The following RBPMS2 variants were observed in gnomAD, a reference collection of about 807,000 sequenced individuals.
RBPMS2 encodes the protein RNA-binding protein with multiple splicing 2.
Under a neutral mutation model 25.7 loss-of-function variants are expected in RBPMS2, and 14 were observed. That is an observed-to-expected ratio of 0.55 (90% CI 0.36 to 0.85). The LOEUF (loss-of-function observed/expected upper bound fraction) is 0.85, where lower values mean the gene tolerates loss of function less well. Ranked by LOEUF, RBPMS2 falls within the 40% of genes least tolerant of loss-of-function variation. The pLI is 0.01. For synonymous variants in RBPMS2, 127 were observed against 115.6 expected, an observed-to-expected ratio of 1.10 and a Z score of -0.63; for missense variants, 252 against 283.4, an observed-to-expected ratio of 0.89 and a Z score of 0.80.
chr15:64,758,138 A>AT (rs2083751107), intron 1 of RBPMS2, among the ~76,000 whole-genome samples: 1 of 152,188 alleles, frequency 6.6e-6, no homozygotes, highest in Non-Finnish European at 1.5e-5. Flanking sequence ...GTTTTAAAGC[A>AT]TTTAAAGAGT....
At chr15:64,747,675 G>C (rs1452785380) in intron 6 of RBPMS2, among the ~76,000 whole-genome samples, 1 of 152,200 alleles carries the variant, frequency 6.6e-6, no homozygotes, top group Non-Finnish European at 1.5e-5. Context: ...ACCTGCACTT[G>C]TGGCCAAGTC....
At chr15:64,762,604 A>G (rs1217008781) in intron 1 of RBPMS2, 2 of 476,254 alleles carry the variant, frequency 4.2e-6, no homozygotes, top group African/African-American at 2.0e-5. Context: ...GATTCCAAAC[A>G]AAAGACAAAG....
intron 1 of RBPMS2, among the ~76,000 whole-genome samples, chr15:64,752,617 G>GT (rs112371011): frequency 0.012 from 1,813 of 145,598 alleles, 6 homozygotes; most frequent in Middle Eastern, 0.025. Flanking sequence ...GATGCTGTGA[G>GT]TTTTTTTTTT....
At chr15:64,755,113 G>C (rs917641225) in intron 1 of RBPMS2, among the ~76,000 whole-genome samples, 1 of 152,140 alleles carries the variant, frequency 6.6e-6, no homozygotes, top group Non-Finnish European at 1.5e-5. Context: ...CAAGTTCTCA[G>C]CACAGAGTTT....
intron 6 of RBPMS2, among the ~76,000 whole-genome samples, chr15:64,743,589 C>T (rs1036935330): frequency 6.6e-5 from 10 of 152,170 alleles, no homozygotes; most frequent in African/African-American, 2.4e-4. Context: ...GGGGGCCAGG[C>T]CAGCAAGACA....
At chr15:64,748,096 C>T (rs1236681194) in intron 6 of RBPMS2, among the ~76,000 whole-genome samples, 3 of 152,140 alleles carry the variant, frequency 2.0e-5, no homozygotes, top group African/African-American at 7.2e-5. Context: ...GAGACCATAC[C>T]CAGGTTAGGA....
intron 1 of RBPMS2, among the ~76,000 whole-genome samples, chr15:64,772,758 G>A (rs2083901429): frequency 2.0e-5 from 3 of 151,566 alleles, no homozygotes; most frequent in African/African-American, 7.3e-5. Context: ...ATGGTACCAT[G>A]TGCTCATATG....
chr15:64,742,207 C>T (rs1005470717), intron 6 of RBPMS2, among the ~76,000 whole-genome samples: 1 of 152,142 alleles, frequency 6.6e-6, no homozygotes, highest in Admixed American at 6.6e-5. Context: ...ACCCAAAGTC[C>T]GTGTAGACCC....
At chr15:64,758,458 G>T (rs2141068418) in intron 1 of RBPMS2, among the ~76,000 whole-genome samples, 1 of 152,358 alleles carries the variant, frequency 6.6e-6, no homozygotes, top group East Asian at 1.9e-4. Flanking sequence ...AAAGATACTT[G>T]TTGAGGAACA....
At chr15:64,741,407 G>A (rs538036128) in intron 6 of RBPMS2, among the ~76,000 whole-genome samples, 165 bp from the exon 7 acceptor site, 9 of 152,264 alleles carry the variant, frequency 5.9e-5, no homozygotes, top group South Asian at 2.1e-4. Context: ...TTCTCTATCC[G>A]GCAAGTGGGA....
chr15:64,765,002 G>A (rs1288565376), intron 1 of RBPMS2, among the ~76,000 whole-genome samples: 5 of 151,344 alleles, frequency 3.3e-5, no homozygotes, highest in Non-Finnish European at 5.9e-5. Context: ...AGAGGCGGGC[G>A]GATCACGAGG....
chr15:64,749,126 G>C lies in RBPMS2; in HGVS notation c.292C>G (p.Pro98Ala). 1 of 1,614,182 alleles carries C rather than the reference G, an allele frequency of 6.2e-7. No homozygotes were observed. Among genetic ancestry groups the C allele is most frequent in the Non-Finnish European group, 8.5e-7 (1 of 1,180,028 alleles). The stretch of plus-strand genomic sequence containing the variant: ...GCAAACTCTAGCCTCAGAGTCTGTG[G>C]ATTTTCGGGATCAAAGCGAATACCC... Reference protein sequence around the residue: ...LNGIRFDPENPQTLRLEFAKA... With the variant: ...LNGIRFDPENAQTLRLEFAKA... Residue 98 changes from proline (P) to alanine (A), a missense_variant, in exon 5 of 8, where the codon CCA (proline) becomes GCA (alanine). Transcript: ENST00000300069.
chr15:64,741,326 C>T lies in RBPMS2; in HGVS notation c.568-84G>A, dbSNP rs533878786. ...AGGTAACCATGGCCATCGGTGTCCCCGCTGGAGTCCTGGTTCTGTCACTGA... is the reference window on the plus strand; with the variant it reads ...AGGTAACCATGGCCATCGGTGTCCCTGCTGGAGTCCTGGTTCTGTCACTGA... On this transcript the variant is annotated intron_variant, in intron 6 of 7. Transcript: ENST00000300069. 20 of 1,055,568 alleles carry T rather than the reference C, an allele frequency of 1.9e-5. 1 individual carries two copies. Among genetic ancestry groups the T allele is most frequent in the South Asian group, 1.7e-4 (12 of 72,020 alleles). The allele number at this position is 1,055,568 out of a possible 1,614,324, so 65.4% of individuals were successfully genotyped here.
At chr15:64,752,927 G>C (rs1346138366) in intron 1 of RBPMS2, among the ~76,000 whole-genome samples, 1 of 152,002 alleles carries the variant, frequency 6.6e-6, no homozygotes, top group Non-Finnish European at 1.5e-5. Context: ...TGTGAATTTT[G>C]AGCATTGCCC....
chr15:64,770,823 G>A (rs1281565416), intron 1 of RBPMS2, among the ~76,000 whole-genome samples: 3 of 151,562 alleles, frequency 2.0e-5, no homozygotes, highest in African/African-American at 7.3e-5. Context: ...CTAAGCACCT[G>A]TTCACCCACA....
rs962027192 is a variant in RBPMS2, at chr15:64,759,849, T to A, written c.88-8211A>T. Among the ~76,000 whole-genome samples, 38 of 152,230 alleles carry A rather than the reference T, an allele frequency of 2.5e-4. 1 individual carries two copies. Among genetic ancestry groups the A allele is most frequent in the African/African-American group, 9.2e-4 (38 of 41,530 alleles). On this transcript the variant is annotated intron_variant, in intron 1 of 7. Coordinates refer to ENST00000300069, the MANE Select transcript of RBPMS2 (RefSeq NM_194272.3). ...CACCATGCCCGGCTAATTTTTGTAT[T>A]TTTAGTAGAGATGGGGTTCCGCCAT...
intron 1 of RBPMS2, among the ~76,000 whole-genome samples, chr15:64,769,100 CAAAAAAAAAAAA>C (rs1167404963): frequency 1.7e-3 from 46 of 27,692 alleles, no homozygotes; most frequent in African/African-American, 3.9e-3. Flanking sequence ...GACTTCGTCT[CAAAAAAAAAAAA>C]AAAAAAAAAA....
chr15:64,744,570 A>AAAAAG (rs2083596121), intron 6 of RBPMS2, among the ~76,000 whole-genome samples: 1 of 135,510 alleles, frequency 7.4e-6, no homozygotes. Context: ...AAAAAAAAAA[A>AAAAAG]AAAGAAAGAA....
chr15:64,775,330 A>G lies in RBPMS2; in HGVS notation c.-11T>C. ...CTTCAGGTTGCTCATGGTGCGGGGGAGGGGGCGGCGGGAAGGAACGCGAGG... is the reference window on the plus strand; with the variant it reads ...CTTCAGGTTGCTCATGGTGCGGGGGGGGGGGCGGCGGGAAGGAACGCGAGG... On this transcript the variant is annotated 5_prime_UTR_variant, in exon 1 of 8. Transcript: ENST00000300069. The G allele has an allele frequency of 1.6e-6, 2 of 1,265,390 alleles. No homozygotes were observed. The highest frequency in any genetic ancestry group is 2.3e-5 in the South Asian group (1 of 44,028). The allele number at this position is 1,265,390 out of a possible 1,614,324, so 78.4% of individuals were successfully genotyped here.
Sources: gnomAD v4.1 joint callset for allele counts (sites outside exome capture counted in the v4.1 genomes callset) on GRCh38, gnomAD v4.1.1 for gene constraint, MANE v1.5 for transcripts, NCBI Gene and HGNC (gene_info 2026-07-23, HGNC 2026-07-21) for gene names.